LRCH1: variants seen among roughly 807,000 people sequenced by gnomAD.
LRCH1 encodes the protein leucine rich repeats and calponin homology domain containing 1, also known as leucine-rich repeat and calponin homology domain-containing protein 1.
LRCH1 carries 23 observed loss-of-function variants against 94.9 expected under a neutral mutation model. That is an observed-to-expected ratio of 0.24 (90% CI 0.17 to 0.34). The LOEUF is 0.34. Among genes scored for constraint, LRCH1 ranks in the 10% least tolerant of loss-of-function variants. The pLI, the probability that LRCH1 is intolerant of heterozygous loss-of-function variation, is 1.00. For missense variants in LRCH1, 790 were observed against 945.9 expected, an observed-to-expected ratio of 0.84 and a Z score of 2.16; for synonymous variants, 364 against 354.9, an observed-to-expected ratio of 1.03 and a Z score of -0.29.
chr13:46,554,519 G>T (rs2050041491), intron 1 of LRCH1, among the ~76,000 whole-genome samples: 1 of 152,210 alleles, frequency 6.6e-6, no homozygotes, highest in Non-Finnish European at 1.5e-5. Context: ...TAAAGGCAAA[G>T]TAATTAACGT....
chr13:46,598,677 A>G (rs2050593413), intron 1 of LRCH1, among the ~76,000 whole-genome samples: 1 of 151,894 alleles, frequency 6.6e-6, no homozygotes, highest in African/African-American at 2.4e-5. Flanking sequence ...TAGACAATGA[A>G]TTAGAGTCAG....
At chr13:46,604,565 C>T (rs1244399127) in intron 1 of LRCH1, among the ~76,000 whole-genome samples, 1 of 152,226 alleles carries the variant, frequency 6.6e-6, no homozygotes, top group African/African-American at 2.4e-5. Flanking sequence ...ACGGAATAAA[C>T]ATGAAATTGT....
rs539757580 is a variant in LRCH1 at position 46,593,265 on chromosome 13, T to C, written c.307+39562T>C. Among the ~76,000 whole-genome samples the C allele has an allele frequency of 6.8e-5, 10 of 146,574 alleles. No individual in the cohort carries two copies. In the South Asian group the frequency reaches 8.7e-4, roughly 13 times the overall value. ...AAAAAAAAGTTTTTCCTTAAGAGGT[T>C]TTTTCTTTCTTTCTTTCCTTTTTTT... On this transcript the variant is annotated intron_variant, in intron 1 of 19. Transcript: ENST00000389797.
chr13:46,631,714 T>A (rs890623472), intron 1 of LRCH1, among the ~76,000 whole-genome samples: 6 of 152,238 alleles, frequency 3.9e-5, no homozygotes, highest in Non-Finnish European at 8.8e-5. Flanking sequence ...GTGATTTTTT[T>A]ATTGTGATAA....
intron 3 of LRCH1, among the ~76,000 whole-genome samples, chr13:46,672,764 A>G: frequency 6.6e-6 from 1 of 152,206 alleles, no homozygotes; most frequent in Non-Finnish European, 1.5e-5. Context: ...TTTCTCCACC[A>G]GCAATAACTG....
chr13:46,658,774 C>A lies in LRCH1; in HGVS notation c.452+8429C>A, dbSNP rs186983488. ...TGGATTACAGGCGTGAGCCACCACA[C>A]CTGGGCTAAATATTTATAGAACAGT... On this transcript the variant is annotated intron_variant, in intron 2 of 19. Transcript: ENST00000389797. 2.6e-3 allele frequency among the ~76,000 whole-genome samples: 403 copies of A among 152,238 alleles called. 2 individuals carry two copies. Among genetic ancestry groups the A allele is most frequent in the South Asian group, 0.019 (91 of 4,816 alleles).
chr13:46,681,869 G>C, intron 4 of LRCH1, 23 bp downstream of exon 4: 1 of 1,440,140 alleles, frequency 6.9e-7, no homozygotes, highest in Non-Finnish European at 9.7e-7. Flanking sequence ...GAGGGAAAAT[G>C]AAGAAAATGG....
At chr13:46,686,171 G>A in intron 5 of LRCH1, 130 bp downstream of exon 5, 1 of 916,024 alleles carries the variant, frequency 1.1e-6, no homozygotes, top group Non-Finnish European at 1.5e-6. Flanking sequence ...AGATTAATTG[G>A]AGAAAAGGCA....
At chr13:46,603,830 A>AT (rs2050658532) in intron 1 of LRCH1, among the ~76,000 whole-genome samples, 1 of 151,870 alleles carries the variant, frequency 6.6e-6, no homozygotes, top group South Asian at 2.1e-4. Flanking sequence ...CTAATTTTTA[A>AT]TTTTTTTGTA....
Position 46,553,630 on chromosome 13 carries a change from G to A in LRCH1, c.234G>A (p.Leu78=). Reference sequence around the variant, plus strand: ...CGGCCAACTCCGGGGGGCTGAACCTGAGCGCCAGGAAATTGAAGGAATTTC... The same window carrying A: ...CGGCCAACTCCGGGGGGCTGAACCTAAGCGCCAGGAAATTGAAGGAATTTC... The part of the protein sequence containing the change: ...EEAANSGGLN[L]SARKLKEFPR... Residue 78 remains leucine, a synonymous_variant, in exon 1 of 20, where the codon CTG becomes CTA. Coordinates refer to ENST00000389797, the MANE Select transcript of LRCH1 (RefSeq NM_001164211.2). The A allele has an allele frequency of 6.3e-7, 1 of 1,595,726 alleles. No individual in the cohort carries two copies. The highest frequency in any genetic ancestry group is 8.5e-7 in the Non-Finnish European group (1 of 1,172,014).
chr13:46,667,721 G>A (rs1036112001), intron 2 of LRCH1, among the ~76,000 whole-genome samples: 3 of 151,954 alleles, frequency 2.0e-5, no homozygotes, highest in Non-Finnish European at 4.4e-5. Flanking sequence ...ACAAATAGGA[G>A]CACTCGTAAC....
At chr13:46,559,512 C>T (rs9590966) in intron 1 of LRCH1, among the ~76,000 whole-genome samples, 4,007 of 152,278 alleles carry the variant, frequency 0.026, 172 homozygotes, top group African/African-American at 0.092. Flanking sequence ...TGTAGTGGTT[C>T]TGAATCACGT....
At chr13:46,561,130 A>G (rs1038841175) in intron 1 of LRCH1, among the ~76,000 whole-genome samples, 26 of 152,252 alleles carry the variant, frequency 1.7e-4, no homozygotes, top group Middle Eastern at 3.2e-3. Context: ...TTTGATTTGC[A>G]TAACAGAAAT....
chr13:46,624,049 A>G (rs962567185), intron 1 of LRCH1, among the ~76,000 whole-genome samples: 21 of 151,674 alleles, frequency 1.4e-4, no homozygotes, highest in Middle Eastern at 6.8e-3. Context: ...ACACCCAGAC[A>G]ATTTTTCTAT....
At chr13:46,668,722 CGGTGGCGGGGTGGCGG>C (rs143636430) in intron 2 of LRCH1, among the ~76,000 whole-genome samples, 4 of 121,296 alleles carry the variant, frequency 3.3e-5, no homozygotes, top group Admixed American at 8.3e-5. Flanking sequence ...TTCTAAGTGG[CGGTGGCGGGGTGGCGG>C]GGTGGCGGGG....
At chr13:46,655,194 C>G (rs73193003) in intron 2 of LRCH1, among the ~76,000 whole-genome samples, 12,842 of 152,026 alleles carry the variant, frequency 0.084, 597 homozygotes, top group East Asian at 0.21. Flanking sequence ...ATATGTCACT[C>G]CCTAACCAGC....
chr13:46,665,378 T>C (rs1282214224), intron 2 of LRCH1, among the ~76,000 whole-genome samples: 7 of 152,172 alleles, frequency 4.6e-5, no homozygotes, highest in African/African-American at 1.7e-4. Context: ...GTAAATTCCT[T>C]AATTTAGGAG....
intron 1 of LRCH1, among the ~76,000 whole-genome samples, chr13:46,595,211 C>T (rs936051637): frequency 3.9e-5 from 6 of 152,088 alleles, no homozygotes; most frequent in Non-Finnish European, 5.9e-5. Context: ...TGAATGTAAC[C>T]GCAGATTATG....
At chr13:46,719,069 C>G (rs536715669) in intron 16 of LRCH1, among the ~76,000 whole-genome samples, 3 of 33,540 alleles carry the variant, frequency 8.9e-5, no homozygotes, top group Non-Finnish European at 1.6e-4. Context: ...CTATTATGTG[C>G]TACACATGAT....
Sources: allele counts gnomAD v4.1 joint callset (sites outside exome capture counted in the v4.1 genomes callset), GRCh38; gene constraint gnomAD v4.1.1; transcripts MANE v1.5; gene names NCBI Gene and HGNC (gene_info 2026-07-23, HGNC 2026-07-21).